SLC38A10: variants seen among roughly 807,000 people sequenced by gnomAD.
The protein encoded by SLC38A10 is Sodium-coupled neutral amino acid transporter 10.
Under a neutral mutation model 81.0 loss-of-function variants are expected in SLC38A10, and 53 were observed. That is an observed-to-expected ratio of 0.65 (90% CI 0.53 to 0.82). The LOEUF (loss-of-function observed/expected upper bound fraction) is 0.82, where lower values mean the gene tolerates loss of function less well. Ranked by LOEUF, SLC38A10 falls within the 40% of genes least tolerant of loss-of-function variation. The pLI is 0.00. For missense variants in SLC38A10, 1,471 were observed against 1,545.0 expected, an observed-to-expected ratio of 0.95 and a Z score of 0.80; for synonymous variants, 665 against 655.3, an observed-to-expected ratio of 1.01 and a Z score of -0.23.
chr17:81,277,309 G>T lies in SLC38A10; in HGVS notation c.627-176C>A, dbSNP rs749924943. Among the ~76,000 whole-genome samples the T allele has an allele frequency of 7.8e-4, 119 of 152,194 alleles. 2 individuals are homozygous for T. The highest frequency in any genetic ancestry group is 3.7e-4 in the Non-Finnish European group (25 of 68,020). ...CCAGGACTTGGTGTTGCTGAGGACA[G>T]GAGCGTTGCAGCAGCCCCCACTCAG... On this transcript the variant is annotated intron_variant, in intron 6 of 15. Transcript: ENST00000374759. The surrounding 1 kb of genome is among the most constrained non-coding windows in gnomAD (Gnocchi z 4.5).
At chr17:81,269,653 T>C (rs2063097772) in intron 10 of SLC38A10, among the ~76,000 whole-genome samples, 1 of 152,082 alleles carries the variant, frequency 6.6e-6, no homozygotes, top group African/African-American at 2.4e-5. Flanking sequence ...CTATGTCTGC[T>C]CTGGATGGTG....
intron 1 of SLC38A10, among the ~76,000 whole-genome samples, chr17:81,291,412 G>C (rs1453678474): frequency 6.6e-6 from 1 of 151,624 alleles, no homozygotes; most frequent in Non-Finnish European, 1.5e-5. Flanking sequence ...GCTTGAATCT[G>C]GGAGGTGGAG....
rs996151008 is a variant in SLC38A10 at position 81,282,218 on chromosome 17, G to A, written c.472C>T (p.Leu158Phe). 18 of 1,613,624 alleles carry A rather than the reference G, an allele frequency of 1.1e-5. No individual in the cohort carries two copies. Among genetic ancestry groups the A allele is most frequent in the African/African-American group, 5.3e-5 (4 of 74,920 alleles). The change falls in exon 5 of 16, where the codon CTC (leucine) becomes TTC (phenylalanine). Residue 158 changes from leucine (L) to phenylalanine (F), a missense_variant. This residue lies in a region of SLC38A10 where 720 missense variants were observed against 827.7 expected (regional missense o/e 0.87). Coordinates refer to ENST00000374759, the MANE Select transcript of SLC38A10 (RefSeq NM_001037984.3). ...AACATGAACACGGTGTAGAAGAGGA[G>A]GGCCATGGCGCTGAAGGACTGGATG... ...ASIQSFSAMA[L>F]LFYTVFMFVI...
chr17:81,255,305 C>T (rs1007857672), intron 11 of SLC38A10, among the ~76,000 whole-genome samples: 2 of 152,274 alleles, frequency 1.3e-5, no homozygotes, highest in African/African-American at 4.8e-5. Flanking sequence ...GCGGGCAATG[C>T]ACACAGCCTT....
intron 14 of SLC38A10, chr17:81,250,828 G>T (rs1382965085): frequency 9.0e-5 from 91 of 1,010,678 alleles, no homozygotes; most frequent in Non-Finnish European, 1.1e-4. Context: ...CCACAAGGAG[G>T]GGTCGCAAAA....
At chr17:81,260,475 A>T (rs2063012381) in intron 10 of SLC38A10, 81 bp from the exon 11 acceptor site, 1 of 1,487,920 alleles carries the variant, frequency 6.7e-7, no homozygotes, top group Admixed American at 2.4e-5. Context: ...CCTGGCAGAG[A>T]GGCTCAGGGA....
At position 81,281,188 on chromosome 17, in the gene SLC38A10, G is replaced by C. The variant is rs551763057; in HGVS notation, c.502-455C>G. 6.6e-6 allele frequency among the ~76,000 whole-genome samples: 1 copy of C among 152,334 alleles called. No homozygotes were observed. Among genetic ancestry groups the C allele is most frequent in the East Asian group, 1.9e-4 (1 of 5,184 alleles). ...AAGAGTAAAGAGGTAGCTGCCACTGGGCTGGCCCTCACTCGGAGAGCTGAG... is the reference window on the plus strand; with the variant it reads ...AAGAGTAAAGAGGTAGCTGCCACTGCGCTGGCCCTCACTCGGAGAGCTGAG... On this transcript the variant is annotated intron_variant, in intron 5 of 15. Coordinates refer to ENST00000374759, the MANE Select transcript of SLC38A10 (RefSeq NM_001037984.3). The surrounding 1 kb of genome is among the most constrained non-coding windows in gnomAD (Gnocchi z 5.3).
At chr17:81,282,901 T>C (rs2063227861) in intron 4 of SLC38A10, among the ~76,000 whole-genome samples, 1 of 152,142 alleles carries the variant, frequency 6.6e-6, no homozygotes, top group African/African-American at 2.4e-5. Flanking sequence ...TAACGTGCCG[T>C]GATGCCTGCC....
At chr17:81,275,866 C>T in intron 8 of SLC38A10, 103 bp downstream of exon 8, 1 of 1,361,586 alleles carries the variant, frequency 7.3e-7, no homozygotes, top group Non-Finnish European at 9.9e-7. Context: ...TGACGCAAAT[C>T]CCCACTTTCC....
chr17:81,248,160 T>C (rs1028617283), intron 14 of SLC38A10, among the ~76,000 whole-genome samples: 70 of 152,010 alleles, frequency 4.6e-4, no homozygotes, highest in Non-Finnish European at 7.4e-5. Flanking sequence ...GGTTTCACCG[T>C]GTTAGCCAGG....
rs1408545672 is a variant in SLC38A10 at position 81,245,979 on chromosome 17, A to G, written c.2937T>C (p.His979=). 5.6e-6 allele frequency: 9 copies of G among 1,604,152 alleles called. No homozygotes were observed. The highest frequency in any genetic ancestry group is 6.8e-6 in the Non-Finnish European group (8 of 1,174,560). The stretch of plus-strand genomic sequence containing the variant: ...CCTTTCTCATCTCCAGGTGACCGCC[A>G]TGGTCCAGCCGGTGGCCCTGCTGTC... ...QGGQQGHRLD[H]GGHLEMRKAR... is the part of the protein sequence containing the mutation. The change falls in exon 16 of 16, where the codon CAT becomes CAC. Residue 979 remains histidine, a synonymous_variant. Coordinates refer to ENST00000374759, the MANE Select transcript of SLC38A10 (RefSeq NM_001037984.3).
intron 13 of SLC38A10, chr17:81,251,978 C>A (rs1270173726): frequency 4.2e-6 from 3 of 714,154 alleles, no homozygotes; most frequent in Non-Finnish European, 6.5e-6. Flanking sequence ...ATTTAGTGGT[C>A]TGGCAAACAA....
At chr17:81,287,373 T>C (rs1044098934) in intron 2 of SLC38A10, among the ~76,000 whole-genome samples, 1 of 152,194 alleles carries the variant, frequency 6.6e-6, no homozygotes, top group African/African-American at 2.4e-5. Context: ...AAGACTGCAG[T>C]GTGGAGCTGC....
chr17:81,246,543 G>A lies in SLC38A10; in HGVS notation c.2373C>T (p.Arg791=). 1.3e-6 allele frequency: 2 copies of A among 1,519,166 alleles called. No individual in the cohort carries two copies. The highest frequency in any genetic ancestry group is 1.8e-6 in the Non-Finnish European group (2 of 1,135,404). 94.1% of individuals were successfully genotyped at this position (1,519,166 alleles called of 1,614,324 possible). Reference sequence around the variant, plus strand: ...GGTTAAGGTCCTGGGATGGAGCAGGGCGGCCCCCAGGAGCTCTGAGGACAG... The same window carrying A: ...GGTTAAGGTCCTGGGATGGAGCAGGACGGCCCCCAGGAGCTCTGAGGACAG... The part of the protein sequence containing the change: ...LDPVLRAPGG[R]PAPSQDLNQR... Residue 791 remains arginine, a synonymous_variant, in exon 16 of 16, where the codon CGC becomes CGT. Coordinates refer to ENST00000374759, the MANE Select transcript of SLC38A10 (RefSeq NM_001037984.3).
rs1252477288 is a variant in SLC38A10, at chr17:81,276,105, T to G, written c.776A>C (p.Asn259Thr). The G allele has an allele frequency of 6.2e-7, 1 of 1,613,778 alleles. No homozygotes were observed. The highest frequency in any genetic ancestry group is 1.7e-5 in the Admixed American group (1 of 60,016). The change falls in exon 8 of 16, where the codon AAC (asparagine) becomes ACC (threonine). Residue 259 changes from asparagine to threonine, a missense_variant. Around this residue, in one of 2 missense-constraint regions of SLC38A10, gnomAD observed 720 missense variants for 827.7 expected, o/e 0.87. Coordinates refer to ENST00000374759, the MANE Select transcript of SLC38A10 (RefSeq NM_001037984.3). The surrounding 1 kb of genome is among the most constrained non-coding windows in gnomAD (Gnocchi z 4.7). ...GTTGGAGGGAAAGTGCATGAGCACGTTGCCGGCCGTGGCCTCGGTGAAGCT... is the reference window on the plus strand; with the variant it reads ...GTTGGAGGGAAAGTGCATGAGCACGGTGCCGGCCGTGGCCTCGGTGAAGCT... ...YVSFTEATAG[N>T]VLMHFPSNLV... is the part of the protein sequence containing the mutation.
intron 11 of SLC38A10, among the ~76,000 whole-genome samples, chr17:81,254,592 C>G (rs914572735): frequency 3.9e-5 from 6 of 152,196 alleles, no homozygotes; most frequent in Admixed American, 2.6e-4. Flanking sequence ...ATTACAGGAA[C>G]CTGCCACAAT....
chr17:81,276,370 A>G lies in SLC38A10; in HGVS notation c.730-219T>C, dbSNP rs1486084253. On this transcript the variant is annotated intron_variant, in intron 7 of 15. Coordinates refer to ENST00000374759, the MANE Select transcript of SLC38A10 (RefSeq NM_001037984.3). This position sits in a 1 kb window ranked among gnomAD's most constrained non-coding sequence, Gnocchi z 4.7. ...CTCTAGTTTCTGTAAGAACATGCCC[A>G]TTTCTTTCTTTTTCTTTCTTTTTTT... 6.7e-6 allele frequency among the ~76,000 whole-genome samples: 1 copy of G among 148,160 alleles called. No individual in the cohort carries two copies. The highest frequency in any genetic ancestry group is 2.0e-4 in the East Asian group (1 of 5,102).
chr17:81,251,237 A>G (rs2062908274), intron 14 of SLC38A10: 1 of 1,454,092 alleles, frequency 6.9e-7, no homozygotes, highest in Non-Finnish European at 9.2e-7. Flanking sequence ...AAGGGAGATA[A>G]AACGGTAATC....
chr17:81,251,025 G>A (rs921307279), intron 14 of SLC38A10: 52 of 1,422,776 alleles, frequency 3.7e-5, no homozygotes, highest in Non-Finnish European at 4.6e-5. Context: ...GCTATGCTAG[G>A]ACCAGGGCGG....
Sources: gnomAD v4.1 joint callset for allele counts (sites outside exome capture counted in the v4.1 genomes callset) on GRCh38, gnomAD v4.1.1 for gene constraint, gnomAD v4.1.1 regional missense constraint, Gnocchi (gnomAD v3.1) non-coding constraint, MANE v1.5 for transcripts, NCBI Gene and HGNC (gene_info 2026-07-23, HGNC 2026-07-21) for gene names.